SHISA9: variants seen among roughly 807,000 people sequenced by gnomAD.
The protein encoded by SHISA9 is protein shisa-9.
SHISA9 carries 13 observed loss-of-function variants against 38.0 expected under a neutral mutation model. That is an observed-to-expected ratio of 0.34 (90% CI 0.22 to 0.54). The LOEUF (loss-of-function observed/expected upper bound fraction) is 0.54, where lower values mean the gene tolerates loss of function less well. Ranked by LOEUF, SHISA9 falls within the 20% of genes least tolerant of loss-of-function variation. The probability of loss-of-function intolerance (pLI) is 0.91; values close to 1 mark genes in which losing one functional copy is unlikely to be tolerated. For missense variants in SHISA9, 538 were observed against 575.8 expected (o/e 0.93, Z 0.67); for synonymous variants, 275 against 242.0 (o/e 1.14, Z -1.27).
the SHISA9 span, among the ~76,000 whole-genome samples, chr16:13,531,392 C>T: frequency 6.6e-6 from 1 of 152,110 alleles, no homozygotes; most frequent in African/African-American, 2.4e-5. Context: ...ATCTTAAGTG[C>T]TTACCATATT....
At chr16:12,914,343 A>G (rs1207569309) in intron 1 of SHISA9, among the ~76,000 whole-genome samples, 4 of 151,888 alleles carry the variant, frequency 2.6e-5, no homozygotes, top group Non-Finnish European at 5.9e-5. Context: ...CGTGCCCGGT[A>G]GTTTATCTAC....
chr16:13,284,291 C>G, the SHISA9 span, among the ~76,000 whole-genome samples: 1 of 152,132 alleles, frequency 6.6e-6, no homozygotes, highest in Non-Finnish European at 1.5e-5. Flanking sequence ...GTCTGAAAAA[C>G]CTGTTGGCTT....
chr16:13,475,951 C>G, the SHISA9 span, among the ~76,000 whole-genome samples: 1 of 152,126 alleles, frequency 6.6e-6, no homozygotes, highest in Non-Finnish European at 1.5e-5. Context: ...GGTAGTAATG[C>G]CAGCTATGGG....
chr16:13,371,598 C>T, the SHISA9 span, among the ~76,000 whole-genome samples: 1 of 152,212 alleles, frequency 6.6e-6, no homozygotes, highest in Non-Finnish European at 1.5e-5. Flanking sequence ...ATGGTTGAAA[C>T]ACTCCTAAGG....
the SHISA9 span, among the ~76,000 whole-genome samples, chr16:13,362,617 G>C: frequency 2.0e-5 from 3 of 152,196 alleles, no homozygotes; most frequent in African/African-American, 4.8e-5. Context: ...AATGCAGAAA[G>C]TTTTGGTCAT....
the SHISA9 span, among the ~76,000 whole-genome samples, chr16:13,319,801 T>TAAA: frequency 1.4e-4 from 19 of 138,616 alleles, no homozygotes; most frequent in East Asian, 1.1e-3. Flanking sequence ...ACAGAGCTGT[T>TAAA]AAAAAAAAAA....
At chr16:12,975,324 G>C (rs2072143209) in intron 2 of SHISA9, among the ~76,000 whole-genome samples, 1 of 152,024 alleles carries the variant, frequency 6.6e-6, no homozygotes, top group African/African-American at 2.4e-5. Flanking sequence ...CCAACATGGT[G>C]AAACCCTGTC....
At chr16:13,151,259 A>G (rs986110067) in intron 2 of SHISA9, among the ~76,000 whole-genome samples, 1 of 152,088 alleles carries the variant, frequency 6.6e-6, no homozygotes, top group Non-Finnish European at 1.5e-5. Flanking sequence ...GGCGCCCGCC[A>G]CCACACCTGG....
intron 2 of SHISA9, among the ~76,000 whole-genome samples, chr16:13,136,337 T>C (rs1407292046): frequency 2.6e-5 from 4 of 151,520 alleles, no homozygotes; most frequent in African/African-American, 9.7e-5. Flanking sequence ...AGGGGCTCAG[T>C]AAATGTGCAC....
At chr16:13,262,650 A>AAGGAAGGAAGGAAGGGAGGGAGGG in the SHISA9 span, among the ~76,000 whole-genome samples, 32 of 54,056 alleles carry the variant, frequency 5.9e-4, no homozygotes, top group East Asian at 0.01. Context: ...GGAAGGAAGG[A>AAGGAAGGAAGGAAGGGAGGGAGGG]AGGAAGGAAG....
At chr16:13,368,465 A>G in the SHISA9 span, among the ~76,000 whole-genome samples, 1 of 152,092 alleles carries the variant, frequency 6.6e-6, no homozygotes. Context: ...GGAACTAAGA[A>G]CCTGATTAGA....
chr16:13,414,784 A>G, the SHISA9 span, among the ~76,000 whole-genome samples: 49 of 151,442 alleles, frequency 3.2e-4, no homozygotes, highest in African/African-American at 1.1e-3. Context: ...GGTTTGCGCC[A>G]CCACGTCTGG....
chr16:13,445,759 C>G, the SHISA9 span, among the ~76,000 whole-genome samples: 1 of 152,094 alleles, frequency 6.6e-6, no homozygotes, highest in Non-Finnish European at 1.5e-5. Flanking sequence ...CTACTTGAAG[C>G]CAGACGACCT....
the SHISA9 span, among the ~76,000 whole-genome samples, chr16:13,342,133 C>T: frequency 1.3e-5 from 2 of 152,202 alleles, no homozygotes; most frequent in Non-Finnish European, 2.9e-5. Flanking sequence ...TTCCAATTCT[C>T]TCCCTGATTA....
intron 2 of SHISA9, among the ~76,000 whole-genome samples, chr16:13,101,929 C>T (rs1428344019): frequency 6.6e-6 from 1 of 152,244 alleles, no homozygotes; most frequent in African/African-American, 2.4e-5. Context: ...GTGAGCTTCT[C>T]TTGATGCAAA....
the SHISA9 span, among the ~76,000 whole-genome samples, chr16:13,309,878 CTATT>C: frequency 7.6e-4 from 115 of 151,148 alleles, no homozygotes; most frequent in Non-Finnish European, 1.4e-3. Flanking sequence ...ATTTACTTAT[CTATT>C]TATTTATTTA....
chr16:13,178,020 A>C (rs1312409724), intron 2 of SHISA9, among the ~76,000 whole-genome samples: 1 of 152,212 alleles, frequency 6.6e-6, no homozygotes, highest in East Asian at 1.9e-4. Flanking sequence ...GATGCTTTGC[A>C]CATAGAGATA....
the SHISA9 span, among the ~76,000 whole-genome samples, chr16:13,431,896 A>G: frequency 1.3e-5 from 2 of 152,146 alleles, no homozygotes; most frequent in African/African-American, 4.8e-5. Context: ...CCTCATCTCT[A>G]CTAAAAATAC....
the SHISA9 span, among the ~76,000 whole-genome samples, chr16:13,251,701 C>G: frequency 6.6e-6 from 1 of 152,162 alleles, no homozygotes; most frequent in Non-Finnish European, 1.5e-5. Context: ...TTCTTCCAAG[C>G]CCCTCCTCCT....
Sources: allele counts gnomAD v4.1 joint callset (sites outside exome capture counted in the v4.1 genomes callset), GRCh38; gene constraint gnomAD v4.1.1; transcripts MANE v1.5; gene names NCBI Gene and HGNC (gene_info 2026-07-23, HGNC 2026-07-21).